The following PLAGL1 variants were observed in gnomAD, a reference collection of about 807,000 sequenced individuals.
PLAGL1 encodes the protein zinc finger protein PLAGL1.
PLAGL1 carries 1 observed loss-of-function variant against 4.6 expected under a neutral mutation model. That is an observed-to-expected ratio of 0.22 (90% CI 0.08 to 1.03). The LOEUF (loss-of-function observed/expected upper bound fraction) is 1.03, where lower values mean the gene tolerates loss of function less well. Ranked by LOEUF, PLAGL1 falls within the 50% of genes least tolerant of loss-of-function variation. The probability of loss-of-function intolerance (pLI) is 0.58; values close to 1 mark genes in which losing one functional copy is unlikely to be tolerated. For synonymous variants in PLAGL1, 240 were observed against 237.8 expected (o/e 1.01, Z -0.08); for missense variants, 464 against 570.4 (o/e 0.81, Z 1.90).
Position 143,958,224 on chromosome 6 carries a change from T to C in PLAGL1, c.-325+2245A>G, listed in dbSNP as rs1782578946. 6.6e-6 allele frequency among the ~76,000 whole-genome samples: 1 copy of C among 152,204 alleles called. No individual in the cohort carries two copies. The highest frequency in any genetic ancestry group is 6.5e-5 in the Admixed American group (1 of 15,278). ...GAATTGCAGAGAGGAAAAAGTTACA[T>C]ATAATCACTTATCCCTCCCCCATGG... On this transcript the variant is annotated intron_variant, in intron 6 of 7. Transcript: ENST00000674357. This position sits in a 1 kb window ranked among gnomAD's most constrained non-coding sequence, Gnocchi z 5.1.
At position 144,016,867 on chromosome 6, in the gene PLAGL1, C is replaced by T. The variant is rs1795598122; in HGVS notation, c.-151+47601G>A. On this transcript the variant is annotated intron_variant, in intron 1 of 3. Coordinates refer to the PLAGL1 transcript ENST00000437412. This position sits in a 1 kb window ranked among gnomAD's most constrained non-coding sequence, Gnocchi z 4.2. The stretch of plus-strand genomic sequence containing the variant: ...TACCAGCAATTTGAATTAGAATTGA[C>T]CTTCTGCTGTTTTTTTTGTTGTGAG... 2.0e-5 allele frequency among the ~76,000 whole-genome samples: 3 copies of T among 152,056 alleles called. No individual in the cohort carries two copies. The South Asian group carries it at 6.2e-4, about 32-fold the overall frequency.
In PLAGL1 at chr6:143,989,651, A is replaced by G. The variant is rs2128627565; in HGVS notation, c.-583-4477T>C. ...CAGACAGTTGACTGTGGGATTTCTCAGCCTTCATAATCATCAGGGTCAATT... is the reference window on the plus strand; with the variant it reads ...CAGACAGTTGACTGTGGGATTTCTCGGCCTTCATAATCATCAGGGTCAATT... On this transcript the variant is annotated intron_variant, in intron 1 of 7. Transcript: ENST00000674357. The surrounding 1 kb of genome is among the most constrained non-coding windows in gnomAD (Gnocchi z 4.8). Among the ~76,000 whole-genome samples the G allele has an allele frequency of 6.6e-6, 1 of 152,300 alleles. No homozygotes were observed. Among genetic ancestry groups the G allele is most frequent in the Non-Finnish European group, 1.5e-5 (1 of 68,028 alleles).
rs1782623289 is a variant in PLAGL1, at chr6:143,958,384, T to C, written c.-325+2085A>G. ...ACAAATTTGATGGGCAGTTTTAAAG[T>C]AACGTGCAGTAACTTTTCAAGCTCG... On this transcript the variant is annotated intron_variant, in intron 6 of 7. Coordinates refer to ENST00000674357, the MANE Select transcript of PLAGL1 (RefSeq NM_001317162.2). This position sits in a 1 kb window ranked among gnomAD's most constrained non-coding sequence, Gnocchi z 5.1. 6.6e-6 allele frequency among the ~76,000 whole-genome samples: 1 copy of C among 152,176 alleles called. No individual in the cohort carries two copies. The highest frequency in any genetic ancestry group is 6.5e-5 in the Admixed American group (1 of 15,282).
In PLAGL1 at chr6:144,039,441, C is replaced by T. The variant is rs1797544754; in HGVS notation, c.-151+25027G>A. Among the ~76,000 whole-genome samples, 1 of 152,088 alleles carries T rather than the reference C, an allele frequency of 6.6e-6. No homozygotes were observed. The highest frequency in any genetic ancestry group is 1.5e-5 in the Non-Finnish European group (1 of 68,014). On this transcript the variant is annotated intron_variant, in intron 1 of 3. Coordinates refer to the PLAGL1 transcript ENST00000437412. The surrounding 1 kb of genome is among the most constrained non-coding windows in gnomAD (Gnocchi z 4.1). ...CTCTACAAAAAAATACAAAAATTAG[C>T]TGGGCATGTTGGCACATGCTTGTAA...
At position 144,036,854 on chromosome 6, in the gene PLAGL1, C is replaced by T; in HGVS notation, c.-151+27614G>A. 1 of 311,570 alleles carries T rather than the reference C, an allele frequency of 3.2e-6. No individual in the cohort carries two copies. The highest frequency in any genetic ancestry group is 6.2e-6 in the Non-Finnish European group (1 of 161,324). The allele number at this position is 311,570 out of a possible 1,614,324, so 19.3% of individuals were successfully genotyped here. On this transcript the variant is annotated intron_variant, in intron 1 of 3. Transcript: ENST00000437412. This position sits in a 1 kb window ranked among gnomAD's most constrained non-coding sequence, Gnocchi z 5.1. ...AAATACTCTGGCATAAAATGAAGGCCATCCCCTAATGGTTTGTTCTTGGTG... is the reference window on the plus strand; with the variant it reads ...AAATACTCTGGCATAAAATGAAGGCTATCCCCTAATGGTTTGTTCTTGGTG...
At position 143,947,899 on chromosome 6, in the gene PLAGL1, T is replaced by G. The variant is rs544802919; in HGVS notation, c.152+86A>C. 39 of 1,106,894 alleles carry G rather than the reference T, an allele frequency of 3.5e-5. No homozygotes were observed. In the African/African-American group the frequency reaches 5.2e-4, roughly 15 times the overall value. 68.6% of individuals were successfully genotyped at this position (1,106,894 alleles called of 1,614,324 possible). ...AAAATGCATCCATATCCTGTGTCCC[T>G]TTCCCCTTGCATCGTGTGGTCTGAG... On this transcript the variant is annotated intron_variant, in intron 7 of 7. Transcript: ENST00000674357. The surrounding 1 kb of genome is among the most constrained non-coding windows in gnomAD (Gnocchi z 4.3).
At position 143,954,376 on chromosome 6, in the gene PLAGL1, G is replaced by A. The variant is rs1781686428; in HGVS notation, c.-324-5916C>T. ...GAGAACAGAGGTCCTTAAAAGAAGA[G>A]CAGGATATTATTTTTTAAAGAGGAC... On this transcript the variant is annotated intron_variant, in intron 6 of 7. Coordinates refer to ENST00000674357, the MANE Select transcript of PLAGL1 (RefSeq NM_001317162.2). The surrounding 1 kb of genome is among the most constrained non-coding windows in gnomAD (Gnocchi z 5.1). Among the ~76,000 whole-genome samples the A allele has an allele frequency of 6.6e-6, 1 of 152,312 alleles. No homozygotes were observed. The highest frequency in any genetic ancestry group is 1.5e-5 in the Non-Finnish European group (1 of 68,024).
intron 1 of PLAGL1, among the ~76,000 whole-genome samples, chr6:143,996,374 C>T (rs768189000): frequency 6.6e-6 from 1 of 152,156 alleles, no homozygotes; most frequent in Non-Finnish European, 1.5e-5. Context: ...ACCTACAAAG[C>T]GCTTGTAAAC....
rs1056648723 is a variant in PLAGL1 at position 143,962,917 on chromosome 6, C to T, written c.-399+1870G>A. On this transcript the variant is annotated intron_variant, in intron 5 of 7. Coordinates refer to ENST00000674357, the MANE Select transcript of PLAGL1 (RefSeq NM_001317162.2). The surrounding 1 kb of genome is among the most constrained non-coding windows in gnomAD (Gnocchi z 5.3). ...CAAGGTTTGTTTTTGAAAAGCCTCT[C>T]GAATATGTTTTATTTTATTTTCCAG... Among the ~76,000 whole-genome samples, 95 of 152,332 alleles carry T rather than the reference C, an allele frequency of 6.2e-4. No individual in the cohort carries two copies. Among genetic ancestry groups the T allele is most frequent in the African/African-American group, 2.2e-3 (91 of 41,570 alleles).
rs760610396 is a variant in PLAGL1 at position 143,990,813 on chromosome 6, G to A, written c.-583-5639C>T. Among the ~76,000 whole-genome samples, 2 of 152,100 alleles carry A rather than the reference G, an allele frequency of 1.3e-5. No homozygotes were observed. Among genetic ancestry groups the A allele is most frequent in the Non-Finnish European group, 1.5e-5 (1 of 68,004 alleles). On this transcript the variant is annotated intron_variant, in intron 1 of 7. Coordinates refer to ENST00000674357, the MANE Select transcript of PLAGL1 (RefSeq NM_001317162.2). This position sits in a 1 kb window ranked among gnomAD's most constrained non-coding sequence, Gnocchi z 5.4. ...CCTCTTTCCTCCCTTGTGTCATGCCGCTGCATTATATATCAGACACATTCC... is the reference window on the plus strand; with the variant it reads ...CCTCTTTCCTCCCTTGTGTCATGCCACTGCATTATATATCAGACACATTCC...
At chr6:144,040,915 T>G (rs188790937) in intron 1 of PLAGL1, among the ~76,000 whole-genome samples, 1 of 151,846 alleles carries the variant, frequency 6.6e-6, no homozygotes, top group Non-Finnish European at 1.5e-5. Context: ...AGCAAAGTAA[T>G]AGGAGATGAA....
At position 143,942,729 on chromosome 6, in the gene PLAGL1, C is replaced by T; in HGVS notation, c.153-66G>A. ...TAAGAGCTGAAGAAAGGTGTAGCAA[C>T]AATATTATATCAAAATGTTAATAGT... On this transcript the variant is annotated intron_variant, in intron 7 of 7. Coordinates refer to ENST00000674357, the MANE Select transcript of PLAGL1 (RefSeq NM_001317162.2). The surrounding 1 kb of genome is among the most constrained non-coding windows in gnomAD (Gnocchi z 7.6). The T allele has an allele frequency of 8.7e-7, 1 of 1,150,726 alleles. No individual in the cohort carries two copies. The highest frequency in any genetic ancestry group is 1.2e-6 in the Non-Finnish European group (1 of 805,542). 71.3% of individuals were successfully genotyped at this position (1,150,726 alleles called of 1,614,324 possible).
At chr6:144,035,855 A>G (rs187809975) in intron 1 of PLAGL1, among the ~76,000 whole-genome samples, 66 of 152,292 alleles carry the variant, frequency 4.3e-4, no homozygotes, top group Non-Finnish European at 7.6e-4. Context: ...TGACAATGTC[A>G]AGAACATTTC....
rs76241071 is a variant in PLAGL1, at chr6:144,064,110, G to A, written c.-151+358C>T. Among the ~76,000 whole-genome samples the A allele has an allele frequency of 1.6e-3, 249 of 152,244 alleles. 10 individuals carry two copies. In the East Asian group the frequency reaches 0.046, roughly 28 times the overall value. ...GACCTGCCTCCGCGCGGGGACAGTG[G>A]CCGGCGGGGCGGGCGCTAGGTGGCG... On this transcript the variant is annotated intron_variant, in intron 1 of 3. Coordinates refer to the PLAGL1 transcript ENST00000437412. This position sits in a 1 kb window ranked among gnomAD's most constrained non-coding sequence, Gnocchi z 6.8.
At position 143,941,582 on chromosome 6, in the gene PLAGL1, G is replaced by A; in HGVS notation, c.1234C>T (p.Pro412Ser). ...TGCCCCAGACAGCTTAACCTGTGGG[G>A]CAAAGATTCCCCAGGCCCCAGGGCA... ...TLALGPGESLPHRLSCLGQQQ... is the reference protein window; with the variant it reads ...TLALGPGESLSHRLSCLGQQQ... The change falls in exon 8 of 8, where the codon CCC becomes TCC. Residue 412 changes from proline (P) to serine (S), a missense_variant. Coordinates refer to ENST00000674357, the MANE Select transcript of PLAGL1 (RefSeq NM_001317162.2). This position sits in a 1 kb window ranked among gnomAD's most constrained non-coding sequence, Gnocchi z 6.0. 6.2e-7 allele frequency: 1 copy of A among 1,606,314 alleles called. No homozygotes were observed. The highest frequency in any genetic ancestry group is 8.5e-7 in the Non-Finnish European group (1 of 1,175,484).
At position 144,060,796 on chromosome 6, in the gene PLAGL1, T is replaced by C. The variant is rs546672859; in HGVS notation, c.-151+3672A>G. 3.3e-5 allele frequency among the ~76,000 whole-genome samples: 5 copies of C among 152,322 alleles called. No individual in the cohort carries two copies. The South Asian group carries it at 1.0e-3, about 32-fold the overall frequency. On this transcript the variant is annotated intron_variant, in intron 1 of 3. Transcript: ENST00000437412. ...TAGATCCATGGTCCCCTCCCCGACCTCTTCAGAGATCAGACCTATGTGAAA... is the reference window on the plus strand; with the variant it reads ...TAGATCCATGGTCCCCTCCCCGACCCCTTCAGAGATCAGACCTATGTGAAA...
chr6:144,055,297 A>C lies in PLAGL1; in HGVS notation c.-151+9171T>G, dbSNP rs1040298779. ...ACTTTCATTTTACATATAAGGAAGC[A>C]GACTCAAAGGTCACAAAGCCAAGAA... On this transcript the variant is annotated intron_variant, in intron 1 of 3. Coordinates refer to the PLAGL1 transcript ENST00000437412. This position sits in a 1 kb window ranked among gnomAD's most constrained non-coding sequence, Gnocchi z 5.0. 4.6e-5 allele frequency among the ~76,000 whole-genome samples: 7 copies of C among 152,216 alleles called. No individual in the cohort carries two copies. Among genetic ancestry groups the C allele is most frequent in the Non-Finnish European group, 7.3e-5 (5 of 68,042 alleles).
upstream of PLAGL1, among the ~76,000 whole-genome samples, chr6:144,010,469 G>T (rs914573071): frequency 6.6e-6 from 1 of 152,078 alleles, no homozygotes; most frequent in African/African-American, 2.4e-5. The surrounding 1 kb of genome is among the most constrained non-coding windows in gnomAD (Gnocchi z 4.1). Flanking sequence ...CAAACAAATG[G>T]AAAAACATTC....
chr6:143,979,718 C>A lies in PLAGL1; in HGVS notation c.-544+5417G>T, dbSNP rs148274934. On this transcript the variant is annotated intron_variant, in intron 2 of 7. Coordinates refer to ENST00000674357, the MANE Select transcript of PLAGL1 (RefSeq NM_001317162.2). This position sits in a 1 kb window ranked among gnomAD's most constrained non-coding sequence, Gnocchi z 4.6. ...TCTTTTAAAAAATATTAATAATAAT[C>A]ATCATCGTATGTATTTATTTACCTA... 1.3e-3 allele frequency among the ~76,000 whole-genome samples: 197 copies of A among 152,044 alleles called. 2 individuals are homozygous for A. The East Asian group carries it at 0.031, about 24-fold the overall frequency.
Sources: gnomAD v4.1 joint callset for allele counts (sites outside exome capture counted in the v4.1 genomes callset) on GRCh38, gnomAD v4.1.1 for gene constraint, Gnocchi (gnomAD v3.1) non-coding constraint, MANE v1.5 for transcripts, NCBI Gene and HGNC (gene_info 2026-07-23, HGNC 2026-07-21) for gene names.